DHRS7B: variants seen among roughly 807,000 people sequenced by gnomAD.
The protein encoded by DHRS7B is peroxisomal reductase activating PPAR-gamma.
Under a neutral mutation model 26.4 loss-of-function variants are expected in DHRS7B, and 24 were observed. The observed-to-expected ratio is 0.91, with a 90% CI of 0.66 to 1.28. The LOEUF (loss-of-function observed/expected upper bound fraction) is 1.28. Among genes scored for constraint, DHRS7B ranks in the 50% most tolerant of loss-of-function variants. The probability of loss-of-function intolerance (pLI) is 0.00; values close to 1 mark genes in which losing one functional copy is unlikely to be tolerated. For synonymous variants in DHRS7B, 142 were observed against 166.4 expected (o/e 0.85, Z 1.13); for missense variants, 368 against 419.4 (o/e 0.88, Z 1.07).
At chr17:21,176,401 C>T (rs989097883) in intron 2 of DHRS7B, among the ~76,000 whole-genome samples, 4 of 151,886 alleles carry the variant, frequency 2.6e-5, no homozygotes, top group African/African-American at 7.2e-5. Flanking sequence ...AGGAATTTGA[C>T]ACCAGCCTGG....
intron 1 of DHRS7B, among the ~76,000 whole-genome samples, chr17:21,167,649 C>CT (rs1319786040): frequency 6.6e-5 from 10 of 152,216 alleles, no homozygotes; most frequent in African/African-American, 2.4e-4. Context: ...CTCTGTCCTG[C>CT]TTTCTGCCAT....
chr17:21,139,567 A>G (rs1328090938), intron 1 of DHRS7B, among the ~76,000 whole-genome samples: 1 of 151,982 alleles, frequency 6.6e-6, no homozygotes, highest in Non-Finnish European at 1.5e-5. Flanking sequence ...CCAGCTACTC[A>G]GGAGGCTAAG....
At chr17:21,143,550 G>C (rs1281801846) in intron 1 of DHRS7B, among the ~76,000 whole-genome samples, 2 of 152,176 alleles carry the variant, frequency 1.3e-5, no homozygotes, top group Non-Finnish European at 2.9e-5. Flanking sequence ...GAAGGATTGT[G>C]ACATTACAGC....
chr17:21,140,893 TTTTC>T (rs1973492260), intron 1 of DHRS7B, among the ~76,000 whole-genome samples: 1 of 152,154 alleles, frequency 6.6e-6, no homozygotes, highest in South Asian at 2.1e-4. Context: ...TTCCTGCCCT[TTTTC>T]TTTTTTTTCT....
intron 1 of DHRS7B, among the ~76,000 whole-genome samples, chr17:21,129,704 C>CAAAAAATAAAAAAAAAAAAAA (rs1973186255): frequency 1.3e-5 from 1 of 74,780 alleles, no homozygotes; most frequent in Admixed American, 1.7e-4. Context: ...GACCCTGACT[C>CAAAAAATAAAAAAAAAAAAAA]AAAAAAAAAA....
chr17:21,153,336 C>A (rs1285636831), intron 1 of DHRS7B, among the ~76,000 whole-genome samples: 1 of 151,566 alleles, frequency 6.6e-6, no homozygotes, highest in Non-Finnish European at 1.5e-5. Flanking sequence ...GTAGAAACTT[C>A]CAAAACTTAA....
At chr17:21,162,169 A>G (rs1974014246) in intron 1 of DHRS7B, among the ~76,000 whole-genome samples, 1 of 152,120 alleles carries the variant, frequency 6.6e-6, no homozygotes, top group Non-Finnish European at 1.5e-5. Context: ...AATTCAAAGT[A>G]TTATGATTTC....
rs996161631 is a variant in DHRS7B at position 21,178,152 on chromosome 17, A to G, written c.200-81A>G. 48 of 1,351,484 alleles carry G rather than the reference A, an allele frequency of 3.6e-5. No individual in the cohort carries two copies. The African/African-American group carries it at 4.6e-4, about 13-fold the overall frequency. 83.7% of individuals were successfully genotyped at this position (1,351,484 alleles called of 1,614,324 possible). Reference sequence around the variant, plus strand: ...CACAGACCTGTGAAGGGTGTGAAGCAGCAAACAGCAACGCTGGGTGAATTT... The same window carrying G: ...CACAGACCTGTGAAGGGTGTGAAGCGGCAAACAGCAACGCTGGGTGAATTT... On this transcript the variant is annotated intron_variant, in intron 2 of 6. Transcript: ENST00000395511.
chr17:21,130,826 A>G (rs921628940), intron 1 of DHRS7B, among the ~76,000 whole-genome samples: 1 of 152,212 alleles, frequency 6.6e-6, no homozygotes, highest in African/African-American at 2.4e-5. Flanking sequence ...TTTCTTTGGT[A>G]GCCAATGTTA....
Position 21,172,202 on chromosome 17 carries a change from T to C in DHRS7B, c.199+6T>C. 5 of 1,607,972 alleles carry C rather than the reference T, an allele frequency of 3.1e-6. No homozygotes were observed. The highest frequency in any genetic ancestry group is 4.2e-6 in the Non-Finnish European group (5 of 1,177,456). On this transcript the variant is annotated splice_donor_region_variant and intron_variant, in intron 2 of 6. Coordinates refer to ENST00000395511, the MANE Select transcript of DHRS7B (RefSeq NM_015510.5). ...CACCTCAGGGCTGGGCAAAGGTGGG[T>C]CCTGGAGGCAGTGCTGCCAGGGGGC...
intron 1 of DHRS7B, among the ~76,000 whole-genome samples, chr17:21,158,957 C>CAA (rs201773440): frequency 2.3e-4 from 25 of 108,602 alleles, no homozygotes; most frequent in African/African-American, 6.5e-4. Context: ...TATCTGCATG[C>CAA]AAAAAAAAAA....
At chr17:21,178,374 G>A (rs1157415859) in intron 3 of DHRS7B, 32 bp downstream of exon 3, 1 of 1,582,118 alleles carries the variant, frequency 6.3e-7, no homozygotes, top group African/African-American at 1.3e-5. Flanking sequence ...CATGGGGAAG[G>A]AGTGCAGGCC....
chr17:21,144,280 G>C (rs1183913540), intron 1 of DHRS7B, among the ~76,000 whole-genome samples: 3 of 152,136 alleles, frequency 2.0e-5, no homozygotes, highest in Non-Finnish European at 4.4e-5. Flanking sequence ...GGTAGAATGA[G>C]AATCTACTCA....
intron 3 of DHRS7B, among the ~76,000 whole-genome samples, chr17:21,180,740 T>C (rs1414444231): frequency 6.6e-6 from 1 of 152,188 alleles, no homozygotes; most frequent in Non-Finnish European, 1.5e-5. Flanking sequence ...GCTGTAGCTT[T>C]GTACAAGTTT....
intron 1 of DHRS7B, among the ~76,000 whole-genome samples, chr17:21,153,662 GTC>G (rs1375461113): frequency 6.6e-6 from 1 of 152,154 alleles, no homozygotes; most frequent in Non-Finnish European, 1.5e-5. Flanking sequence ...CAGGTTCACT[GTC>G]TGGTGAGGGC....
intron 6 of DHRS7B, 54 bp downstream of exon 6, chr17:21,188,917 A>G: frequency 6.2e-7 from 1 of 1,603,590 alleles, no homozygotes; most frequent in Non-Finnish European, 8.5e-7. Flanking sequence ...AGCCACAGTG[A>G]GACATGCTGC....
intron 1 of DHRS7B, among the ~76,000 whole-genome samples, chr17:21,166,875 A>G (rs1199381094): frequency 6.6e-6 from 1 of 152,174 alleles, no homozygotes; most frequent in Non-Finnish European, 1.5e-5. Context: ...TACAGACCTG[A>G]AATTGTTCTT....
intron 1 of DHRS7B, among the ~76,000 whole-genome samples, chr17:21,153,889 C>T (rs939043115): frequency 1.3e-5 from 2 of 151,528 alleles, no homozygotes; most frequent in African/African-American, 2.4e-5. Context: ...AACCATAGCA[C>T]AGGATAAAGG....
At chr17:21,186,191 TGAG>T (rs1437041782) in intron 5 of DHRS7B, among the ~76,000 whole-genome samples, 5 of 152,178 alleles carry the variant, frequency 3.3e-5, no homozygotes, top group South Asian at 4.1e-4. Flanking sequence ...ACCTATAAAA[TGAG>T]GAGAACGGCA....
Sources: gnomAD v4.1 joint callset for allele counts (sites outside exome capture counted in the v4.1 genomes callset) on GRCh38, gnomAD v4.1.1 for gene constraint, MANE v1.5 for transcripts, NCBI Gene and HGNC (gene_info 2026-07-23, HGNC 2026-07-21) for gene names.